Variants in CTNND2 observed in about 807,000 individuals in gnomAD.
The protein encoded by CTNND2 is catenin delta-2.
Under a neutral mutation model 144.4 loss-of-function variants are expected in CTNND2, and 22 were observed. The ratio of observed to expected loss-of-function variants is 0.15; its 90% CI spans 0.11 to 0.22. The LOEUF (loss-of-function observed/expected upper bound fraction) is 0.22. Among genes scored for constraint, CTNND2 ranks in the 10% least tolerant of loss-of-function variants. The pLI is 1.00. For synonymous variants in CTNND2, 751 were observed against 695.6 expected (o/e 1.08, Z -1.25); for missense variants, 1,353 against 1,618.8 (o/e 0.84, Z 2.82).
intron 11 of CTNND2, among the ~76,000 whole-genome samples, chr5:11,191,664 C>T (rs32272): frequency 0.032 from 4,810 of 152,250 alleles, 239 homozygotes; most frequent in African/African-American, 0.1. Flanking sequence ...TGTGCACGTA[C>T]CCCCTGCTGC....
intron 3 of CTNND2, among the ~76,000 whole-genome samples, chr5:11,424,622 A>G (rs762314801): frequency 3.3e-5 from 5 of 151,884 alleles, no homozygotes; most frequent in Admixed American, 1.3e-4. Flanking sequence ...GTGTGTGTGT[A>G]TGTTTGGCAT....
Position 11,346,569 on chromosome 5 carries a change from G to T in CTNND2, c.1431C>A (p.Gly477=). The T allele has an allele frequency of 6.2e-7, 1 of 1,600,056 alleles. No homozygotes were observed. ...AGGTGGCCGCGGCGGCATTCTGTGG[G>T]CCGTGCTGGCTGCCTGTGCGCTGCA... ...VPLQRTGSQH[G]PQNAAAATFQ... The change falls in exon 9 of 22, where the codon GGC becomes GGA. Residue 477 remains glycine, a synonymous_variant. Transcript: ENST00000304623.
In CTNND2 at chr5:11,903,449, C is replaced by T; in HGVS notation, c.37+368G>A. On this transcript the variant is annotated intron_variant, in intron 1 of 21. Coordinates refer to ENST00000304623, the MANE Select transcript of CTNND2 (RefSeq NM_001332.4). The surrounding 1 kb of genome is among the most constrained non-coding windows in gnomAD (Gnocchi z 5.4). ...TCCCCACCCCCACCCCGTCTCCTCC[C>T]GTATATTAGGGACGTCATGAATGCA... 4 of 914,456 alleles carry T rather than the reference C, an allele frequency of 4.4e-6. No homozygotes were observed. Among genetic ancestry groups the T allele is most frequent in the Non-Finnish European group, 5.4e-6 (4 of 740,140 alleles). 56.6% of individuals were successfully genotyped at this position (914,456 alleles called of 1,614,324 possible).
At chr5:11,021,551 C>A (rs1742256498) in intron 17 of CTNND2, among the ~76,000 whole-genome samples, 1 of 152,188 alleles carries the variant, frequency 6.6e-6, no homozygotes, top group South Asian at 2.1e-4. Flanking sequence ...AGCCAACAGT[C>A]TCCACTGCGC....
rs982085314 is a variant in CTNND2 at position 11,200,969 on chromosome 5, G to A, written c.1762-1308C>T. 1.4e-4 allele frequency among the ~76,000 whole-genome samples: 21 copies of A among 151,988 alleles called. 1 individual carries two copies. Among genetic ancestry groups the A allele is most frequent in the Admixed American group, 1.3e-3 (20 of 15,256 alleles). On this transcript the variant is annotated intron_variant, in intron 10 of 21. Coordinates refer to ENST00000304623, the MANE Select transcript of CTNND2 (RefSeq NM_001332.4). ...GTTGGGATTACAGGCGTGAGCCACC[G>A]TGCCAGGCCATCCCCAGGCTCTTTC...
At chr5:11,167,687 T>G (rs1443319822) in intron 11 of CTNND2, among the ~76,000 whole-genome samples, 3 of 151,152 alleles carry the variant, frequency 2.0e-5, no homozygotes, top group Admixed American at 2.0e-4. Flanking sequence ...AAGCCAGAAG[T>G]CATATTCACT....
intron 9 of CTNND2, among the ~76,000 whole-genome samples, chr5:11,312,029 CCACA>C (rs371225430): frequency 6.7e-6 from 1 of 149,924 alleles, no homozygotes; most frequent in South Asian, 2.1e-4. Context: ...CACCTTCACC[CCACA>C]CACACACTCA....
chr5:11,646,633 A>G (rs62338655), intron 2 of CTNND2, among the ~76,000 whole-genome samples: 3 of 58,860 alleles, frequency 5.1e-5, no homozygotes, highest in Non-Finnish European at 9.1e-5. Context: ...TTCTTAGGAA[A>G]TATCAAGTAA....
chr5:11,425,588 T>C (rs758278560), intron 3 of CTNND2, among the ~76,000 whole-genome samples: 1 of 152,152 alleles, frequency 6.6e-6, no homozygotes, highest in Non-Finnish European at 1.5e-5. Flanking sequence ...ATGTATAAAA[T>C]CATTTTAAAA....
chr5:11,297,651 A>T (rs568022996), intron 9 of CTNND2, among the ~76,000 whole-genome samples: 1 of 152,312 alleles, frequency 6.6e-6, no homozygotes, highest in South Asian at 2.1e-4. Flanking sequence ...TAAGAGATGT[A>T]ACTCATAGTA....
chr5:11,241,650 C>T (rs568211043), intron 9 of CTNND2, among the ~76,000 whole-genome samples: 1 of 152,314 alleles, frequency 6.6e-6, no homozygotes, highest in East Asian at 1.9e-4. Context: ...TGATTTATCT[C>T]CAAGGCTCTT....
intron 16 of CTNND2, among the ~76,000 whole-genome samples, chr5:11,065,883 A>G (rs531448440): frequency 2.6e-5 from 4 of 152,324 alleles, no homozygotes; most frequent in African/African-American, 9.6e-5. Flanking sequence ...CTCTGCTAAC[A>G]TAACTAGATC....
rs1475532497 is a variant in CTNND2 at position 11,541,941 on chromosome 5, C to A, written c.287+23003G>T. On this transcript the variant is annotated intron_variant, in intron 3 of 21. Transcript: ENST00000304623. ...CAGATAATCTGTTTTCATACTGTGG[C>A]CTTTGGAGGTTCACAGACCACTATA... Among the ~76,000 whole-genome samples the A allele has an allele frequency of 8.0e-5, 12 of 150,872 alleles. 1 individual carries two copies. Among genetic ancestry groups the A allele is most frequent in the Admixed American group, 7.9e-4 (12 of 15,120 alleles).
chr5:11,895,127 T>C (rs1677480132), intron 1 of CTNND2, among the ~76,000 whole-genome samples: 1 of 152,042 alleles, frequency 6.6e-6, no homozygotes, highest in African/African-American at 2.4e-5. Context: ...GAGACATCCC[T>C]GAAGAACACA....
chr5:11,778,252 G>A (rs2126841242), intron 1 of CTNND2, among the ~76,000 whole-genome samples: 1 of 152,124 alleles, frequency 6.6e-6, no homozygotes, highest in African/African-American at 2.4e-5. Flanking sequence ...CTCTCAAAAT[G>A]CACATCATGT....
At chr5:11,802,463 A>G (rs1415364096) in intron 1 of CTNND2, among the ~76,000 whole-genome samples, 65 of 146,678 alleles carry the variant, frequency 4.4e-4, no homozygotes, top group East Asian at 4.1e-3. Flanking sequence ...GCTACTCAGG[A>G]GGTTGAGGCA....
chr5:11,011,940 C>T (rs1463956545), intron 18 of CTNND2, among the ~76,000 whole-genome samples: 1 of 152,002 alleles, frequency 6.6e-6, no homozygotes, highest in Non-Finnish European at 1.5e-5. Flanking sequence ...GTAGAGAGAC[C>T]AGGGGGAGAG....
chr5:11,569,994 T>C (rs10050500), intron 2 of CTNND2, among the ~76,000 whole-genome samples: 73,088 of 151,990 alleles, frequency 0.48, 17,881 homozygotes, highest in Middle Eastern at 0.6. Flanking sequence ...TATAGCAACC[T>C]AAACAGCCTA....
In CTNND2 at chr5:11,564,970, G is replaced by T; in HGVS notation, c.261C>A (p.Ser87=). The T allele has an allele frequency of 6.2e-7, 1 of 1,613,862 alleles. No individual in the cohort carries two copies. The highest frequency in any genetic ancestry group is 8.5e-7 in the Non-Finnish European group (1 of 1,179,820). The change falls in exon 3 of 22, where the codon TCC becomes TCA. Residue 87 remains serine, a synonymous_variant. Coordinates refer to ENST00000304623, the MANE Select transcript of CTNND2 (RefSeq NM_001332.4). ...TCATGCTGCTCATGCTGCCAGTCTCGGATCCGAGCTTGCATCGCTCCAGCT... is the reference window on the plus strand; with the variant it reads ...TCATGCTGCTCATGCTGCCAGTCTCTGATCCGAGCTTGCATCGCTCCAGCT... The part of the protein sequence containing the change: ...ASQLERCKLG[S]ETGSMSSMSS...
Sources: gnomAD v4.1 joint callset for allele counts (sites outside exome capture counted in the v4.1 genomes callset) on GRCh38, gnomAD v4.1.1 for gene constraint, Gnocchi (gnomAD v3.1) non-coding constraint, MANE v1.5 for transcripts, NCBI Gene and HGNC (gene_info 2026-07-23, HGNC 2026-07-21) for gene names.